Variants in TMEM132E observed in about 807,000 individuals in gnomAD.
TMEM132E encodes transmembrane protein 132E.
Under a neutral mutation model 78.5 loss-of-function variants are expected in TMEM132E, and 49 were observed. That is an observed-to-expected ratio of 0.62 (90% CI 0.50 to 0.79). TMEM132E has a LOEUF of 0.79. TMEM132E is among the 30% of genes least tolerant of loss of function. The pLI is 0.00. For missense variants in TMEM132E, 1,403 were observed against 1,470.9 expected (o/e 0.95, Z 0.75); for synonymous variants, 715 against 670.6 (o/e 1.07, Z -1.02).
intron 2 of TMEM132E, among the ~76,000 whole-genome samples, chr17:34,627,471 T>TGTATGTGCGTGCGCGCGCGC (rs1567720024): frequency 2.6e-5 from 3 of 115,556 alleles, no homozygotes; most frequent in African/African-American, 8.9e-5. Context: ...AAGAATCGTG[T>TGTATGTGCGTGCGCGCGCGC]GTGTGTGTGT....
intron 1 of TMEM132E, among the ~76,000 whole-genome samples, chr17:34,620,366 A>G (rs1443129171): frequency 1.3e-5 from 2 of 152,252 alleles, no homozygotes; most frequent in Non-Finnish European, 2.9e-5. Context: ...AGTATTATAT[A>G]TAGAGGCCCT....
At chr17:34,607,854 A>G (rs937782782) in intron 1 of TMEM132E, among the ~76,000 whole-genome samples, 16 of 152,092 alleles carry the variant, frequency 1.1e-4, no homozygotes, top group African/African-American at 3.9e-4. Flanking sequence ...CGAGTGCAGG[A>G]GCTTCTGTCC....
intron 1 of TMEM132E, among the ~76,000 whole-genome samples, chr17:34,581,403 G>A (rs1905477634): frequency 6.6e-6 from 1 of 152,098 alleles, no homozygotes; most frequent in South Asian, 2.1e-4. Flanking sequence ...AGAAGGGTTC[G>A]AACCCGAAGG....
At chr17:34,597,611 A>C (rs945787141) in intron 1 of TMEM132E, among the ~76,000 whole-genome samples, 37 of 152,320 alleles carry the variant, frequency 2.4e-4, no homozygotes, top group South Asian at 4.1e-4. Flanking sequence ...CAGGGCATCC[A>C]GCCCAAGGCT....
At chr17:34,629,915 G>GC (rs1555564596) in intron 4 of TMEM132E, 93 bp from the exon 5 acceptor site, 188 of 1,226,718 alleles carry the variant, frequency 1.5e-4, no homozygotes, top group Non-Finnish European at 1.8e-4. Context: ...TCTGAGGAGT[G>GC]GGGGGGGAGC....
At chr17:34,629,956 C>T in intron 4 of TMEM132E, 52 bp from the exon 5 acceptor site, 1 of 1,554,496 alleles carries the variant, frequency 6.4e-7, no homozygotes, top group Non-Finnish European at 8.7e-7. Context: ...GCTAGTGTGT[C>T]CCAGGACAGA....
chr17:34,618,387 G>A (rs1043755940), intron 1 of TMEM132E, among the ~76,000 whole-genome samples: 3 of 149,804 alleles, frequency 2.0e-5, no homozygotes, highest in Admixed American at 6.6e-5. Flanking sequence ...ACAGGTCCAC[G>A]TCTGGTGATT....
At position 34,638,549 on chromosome 17, in the gene TMEM132E, A is replaced by T; in HGVS notation, c.*317A>T. On this transcript the variant is annotated 3_prime_UTR_variant, in exon 9 of 9. Coordinates refer to ENST00000631683, the MANE Select transcript of TMEM132E (RefSeq NM_001304438.2). ...TAAGCAACCCCCTGCCCCAAGAGTG[A>T]GGCAAGGAGGTCCAGCTTGGGGTCA... is the stretch of plus-strand genomic sequence containing the variant. 1 of 280,276 alleles carries T rather than the reference A, an allele frequency of 3.6e-6. No individual in the cohort carries two copies. 17.4% of individuals were successfully genotyped at this position (280,276 alleles called of 1,614,324 possible). A position where few individuals can be genotyped will look rare whatever the true frequency, so the allele number is the denominator to read the frequency against.
Position 34,613,211 on chromosome 17 carries a change from A to ACGCGCGCT in TMEM132E, c.68-12909_68-12908insTCGCGCGC, listed in dbSNP as rs1555563346. 9.5e-5 allele frequency among the ~76,000 whole-genome samples: 11 copies of ACGCGCGCT among 115,978 alleles called. 1 individual carries two copies. The East Asian group carries it at 3.7e-3, about 39-fold the overall frequency. 76.1% of individuals were successfully genotyped at this position (115,978 alleles called of 152,430 possible). A position where few individuals can be genotyped will look rare whatever the true frequency, so the allele number is the denominator to read the frequency against. On this transcript the variant is annotated intron_variant, in intron 1 of 8. Coordinates refer to ENST00000631683, the MANE Select transcript of TMEM132E (RefSeq NM_001304438.2). ...CACACACACACCCACACACACACAC[A>ACGCGCGCT]CGCGCGCGCGCGCGCGTTCTTACAT...
At chr17:34,595,515 G>A (rs1906025860) in intron 1 of TMEM132E, among the ~76,000 whole-genome samples, 1 of 152,226 alleles carries the variant, frequency 6.6e-6, no homozygotes, top group African/African-American at 2.4e-5. Context: ...TGTGTACTCT[G>A]AATTCCTCTC....
At chr17:34,598,075 C>A (rs919056009) in intron 1 of TMEM132E, among the ~76,000 whole-genome samples, 2 of 152,270 alleles carry the variant, frequency 1.3e-5, no homozygotes, top group Middle Eastern at 3.4e-3. Context: ...ACATATAATA[C>A]ATGTATTATA....
intron 1 of TMEM132E, among the ~76,000 whole-genome samples, chr17:34,610,584 A>C (rs767288889): frequency 3.9e-5 from 6 of 152,228 alleles, no homozygotes; most frequent in Non-Finnish European, 8.8e-5. Flanking sequence ...GACATGTGAC[A>C]CTGATACTGG....
Position 34,628,701 on chromosome 17 carries a change from G to T in TMEM132E, c.1137G>T (p.Leu379=), listed in dbSNP as rs1907241699. The T allele has an allele frequency of 2.5e-6, 4 of 1,598,160 alleles. No individual in the cohort carries two copies. In the East Asian group the frequency reaches 9.0e-5, roughly 36 times the overall value. Residue 379 remains leucine, a synonymous_variant, in exon 3 of 9, where the codon CTG becomes CTT. Transcript: ENST00000631683. ...TGGCCTGGGCTCAGAGCACACCCCT[G>T]CCCCCCAGGTGAGCCCGAGGTGGTG... is the stretch of plus-strand genomic sequence containing the variant. ...VDVAWAQSTP[L]PPREGQGPLE...
intron 1 of TMEM132E, among the ~76,000 whole-genome samples, chr17:34,605,730 G>A (rs769388302): frequency 1.3e-5 from 2 of 152,132 alleles, no homozygotes; most frequent in Admixed American, 6.5e-5. Flanking sequence ...CTCGTGAGTC[G>A]ACCAGATGTC....
In TMEM132E at chr17:34,630,120, A is replaced by T. The variant is rs1436584369; in HGVS notation, c.1451A>T (p.Glu484Val). Residue 484 changes from glutamate (E) to valine (V), a missense_variant, in exon 5 of 9, where the codon GAA (glutamate) becomes GTA (valine). By Grantham distance (121) the Glu-to-Val change is moderately radical. Transcript: ENST00000631683. Reference sequence around the variant, plus strand: ...GTCCTGGACATCTCCGCCCTAGTGGAATGCGAGTCTGACAATGAAGACATC... The same window carrying T: ...GTCCTGGACATCTCCGCCCTAGTGGTATGCGAGTCTGACAATGAAGACATC... ...GLVLDISALV[E>V]CESDNEDIIK... 6.2e-7 allele frequency: 1 copy of T among 1,613,044 alleles called. No individual in the cohort carries two copies. Among genetic ancestry groups the T allele is most frequent in the Admixed American group, 1.7e-5 (1 of 59,990 alleles).
intron 1 of TMEM132E, among the ~76,000 whole-genome samples, chr17:34,587,814 T>C (rs568413204): frequency 1.3e-5 from 2 of 152,248 alleles, no homozygotes; most frequent in Non-Finnish European, 2.9e-5. Context: ...CATGATGGCT[T>C]TGTTTGTCAC....
rs1279795953 is a variant in TMEM132E, at chr17:34,638,305, C to T, written c.*73C>T. 1.4e-6 allele frequency: 2 copies of T among 1,388,384 alleles called. No homozygotes were observed. Among genetic ancestry groups the T allele is most frequent in the Non-Finnish European group, 1.9e-6 (2 of 1,043,814 alleles). The allele number at this position is 1,388,384 out of a possible 1,614,324, so 86.0% of individuals were successfully genotyped here. A position where few individuals can be genotyped will look rare whatever the true frequency, so the allele number is the denominator to read the frequency against. On this transcript the variant is annotated 3_prime_UTR_variant, in exon 9 of 9. Coordinates refer to ENST00000631683, the MANE Select transcript of TMEM132E (RefSeq NM_001304438.2). ...TCGGGGTAGGACACAGCCGGGACCC[C>T]GGTTCACACTGACTCTGGGCGGCTG...
In TMEM132E at chr17:34,626,418, T is replaced by C; in HGVS notation, c.359T>C (p.Leu120Pro). 6.2e-7 allele frequency: 1 copy of C among 1,613,386 alleles called. No individual in the cohort carries two copies. The highest frequency in any genetic ancestry group is 8.5e-7 in the Non-Finnish European group (1 of 1,179,810). Residue 120 changes from leucine to proline, a missense_variant, in exon 2 of 9, where the codon CTG becomes CCG. By Grantham distance (98) the Leu-to-Pro change is moderately conservative. Transcript: ENST00000631683. Reference sequence around the variant, plus strand: ...AGCACCCTGGACATCCCCGAGCGCCTGACGGTGAACTGGAAGGTGCGGGCC... The same window carrying C: ...AGCACCCTGGACATCCCCGAGCGCCCGACGGTGAACTGGAAGGTGCGGGCC... ...PSSTLDIPER[L>P]TVNWKVRAFI...
At position 34,626,982 on chromosome 17, in the gene TMEM132E, T is replaced by C; in HGVS notation, c.923T>C (p.Val308Ala). The change falls in exon 2 of 9, where the codon GTG (valine) becomes GCG (alanine). Residue 308 changes from valine to alanine, a missense_variant. Around this residue, in one of 3 missense-constraint regions of TMEM132E, gnomAD observed 511 missense variants for 499.0 expected, o/e 1.02. Transcript: ENST00000631683. ...GACCGGCCCCTCAAGCCCGGGGAAGTGCTCAGCATCCTCCTCTATCTGGCC... is the reference window on the plus strand; with the variant it reads ...GACCGGCCCCTCAAGCCCGGGGAAGCGCTCAGCATCCTCCTCTATCTGGCC... ...LPDRPLKPGE[V>A]LSILLYLAPN... is the part of the protein sequence containing the mutation. 1.9e-6 allele frequency: 3 copies of C among 1,613,904 alleles called. No homozygotes were observed. Among genetic ancestry groups the C allele is most frequent in the Non-Finnish European group, 2.5e-6 (3 of 1,180,006 alleles).
Sources: allele counts gnomAD v4.1 joint callset (sites outside exome capture counted in the v4.1 genomes callset), GRCh38; gene constraint gnomAD v4.1.1; regional missense constraint gnomAD v4.1.1; transcripts MANE v1.5; gene names NCBI Gene and HGNC (gene_info 2026-07-23, HGNC 2026-07-21).